KIF16B: variants seen among roughly 807,000 people sequenced by gnomAD.
The protein encoded by KIF16B is kinesin-like protein KIF16B.
A neutral mutation model predicts 156.3 loss-of-function variants in KIF16B; 98 were observed. The observed-to-expected ratio is 0.63, with a 90% CI of 0.53 to 0.74. The LOEUF (loss-of-function observed/expected upper bound fraction) is 0.74, where lower values mean the gene tolerates loss of function less well. Ranked by LOEUF, KIF16B falls within the 30% of genes least tolerant of loss-of-function variation. The pLI is 0.00. For missense variants in KIF16B, 1,421 were observed against 1,606.5 expected, an observed-to-expected ratio of 0.88 and a Z score of 1.97; for synonymous variants, 564 against 583.7, an observed-to-expected ratio of 0.97 and a Z score of 0.49.
At chr20:16,447,006 T>C (rs1476315927) in intron 12 of KIF16B, among the ~76,000 whole-genome samples, 1 of 152,200 alleles carries the variant, frequency 6.6e-6, no homozygotes, top group Non-Finnish European at 1.5e-5. Flanking sequence ...TTCCCAGTGC[T>C]GAGCACAGGG....
chr20:16,424,764 A>G (rs2066311525), intron 15 of KIF16B, among the ~76,000 whole-genome samples: 1 of 152,026 alleles, frequency 6.6e-6, no homozygotes, highest in Non-Finnish European at 1.5e-5. Context: ...TTGTGGTCTG[A>G]GCAAGAAGAG....
chr20:16,412,970 C>T (rs2065995966), intron 15 of KIF16B, among the ~76,000 whole-genome samples: 1 of 151,852 alleles, frequency 6.6e-6, no homozygotes, highest in African/African-American at 2.4e-5. Context: ...TCCCAGAAAT[C>T]TCGGTGTGGT....
intron 19 of KIF16B, 132 bp from the exon 20 acceptor site, chr20:16,374,541 G>T: frequency 1.2e-6 from 1 of 808,062 alleles, no homozygotes; most frequent in Non-Finnish European, 1.7e-6. Flanking sequence ...TTACCTTCTA[G>T]TAGAAAAGGT....
At chr20:16,333,999 G>T (rs936198054) in intron 24 of KIF16B, among the ~76,000 whole-genome samples, 3 of 152,178 alleles carry the variant, frequency 2.0e-5, no homozygotes, top group African/African-American at 7.2e-5. Flanking sequence ...CTTGTTTACT[G>T]TCTGCCCCAT....
intron 12 of KIF16B, among the ~76,000 whole-genome samples, chr20:16,466,519 G>A (rs1316332021): frequency 6.6e-6 from 1 of 152,160 alleles, no homozygotes; most frequent in Admixed American, 6.5e-5. Context: ...TAAGTCTCAC[G>A]AGATCTGATG....
At chr20:16,543,412 T>C in intron 1 of KIF16B, among the ~76,000 whole-genome samples, 1 of 152,150 alleles carries the variant, frequency 6.6e-6, no homozygotes, top group Non-Finnish European at 1.5e-5. Context: ...ACACCAAAGT[T>C]ATTTGAGTGA....
At chr20:16,355,758 G>A (rs1375736619) in intron 23 of KIF16B, among the ~76,000 whole-genome samples, 1 of 152,120 alleles carries the variant, frequency 6.6e-6, no homozygotes, top group Non-Finnish European at 1.5e-5. Context: ...CTGAAAAGTT[G>A]TATAAATCAA....
At chr20:16,416,984 T>C (rs907596317) in intron 15 of KIF16B, among the ~76,000 whole-genome samples, 3 of 152,078 alleles carry the variant, frequency 2.0e-5, no homozygotes, top group Non-Finnish European at 4.4e-5. Context: ...TCAGAGGAGC[T>C]GTAGTCCCCC....
At chr20:16,558,583 T>C (rs2070939934) in intron 1 of KIF16B, among the ~76,000 whole-genome samples, 1 of 152,176 alleles carries the variant, frequency 6.6e-6, no homozygotes, top group African/African-American at 2.4e-5. Flanking sequence ...ATAAACTTCT[T>C]TGGTATCTTT....
chr20:16,509,956 T>C (rs914104153), intron 6 of KIF16B, among the ~76,000 whole-genome samples: 3 of 152,226 alleles, frequency 2.0e-5, no homozygotes, highest in African/African-American at 7.2e-5. Context: ...AGTCATTTTA[T>C]TATTTAATAT....
At chr20:16,475,426 C>T (rs2067782755) in intron 12 of KIF16B, among the ~76,000 whole-genome samples, 1 of 152,186 alleles carries the variant, frequency 6.6e-6, no homozygotes, top group Non-Finnish European at 1.5e-5. Context: ...AGTTCATGTC[C>T]TTAACTGATA....
chr20:16,440,531 GCGCACACACACACACACACACACACACA>G (rs1468657525), intron 12 of KIF16B, among the ~76,000 whole-genome samples: 7 of 79,442 alleles, frequency 8.8e-5, no homozygotes, highest in South Asian at 5.7e-4. Context: ...ACACAAGCGC[GCGCACACACACACACACACACACACACA>G]CACACACACA....
chr20:16,346,859 C>T (rs1379917723), intron 23 of KIF16B, among the ~76,000 whole-genome samples: 1 of 152,030 alleles, frequency 6.6e-6, no homozygotes, highest in African/African-American at 2.4e-5. Context: ...TGGGAAATTG[C>T]GAGAATGACA....
intron 3 of KIF16B, among the ~76,000 whole-genome samples, chr20:16,519,896 C>T (rs555899711): frequency 3.3e-5 from 5 of 152,196 alleles, no homozygotes; most frequent in Non-Finnish European, 1.5e-5. Context: ...TGAGCACCGC[C>T]TCACCCCGGG....
chr20:16,325,257 C>T (rs1007357682), intron 24 of KIF16B, among the ~76,000 whole-genome samples: 1 of 151,790 alleles, frequency 6.6e-6, no homozygotes, highest in African/African-American at 2.4e-5. Flanking sequence ...AAGGGGGATG[C>T]ACACTTTCAC....
At chr20:16,352,027 C>T (rs937157661) in intron 23 of KIF16B, among the ~76,000 whole-genome samples, 2 of 152,156 alleles carry the variant, frequency 1.3e-5, no homozygotes, top group Non-Finnish European at 2.9e-5. Flanking sequence ...AGATAAATGC[C>T]GTTGGATCCC....
intron 12 of KIF16B, among the ~76,000 whole-genome samples, chr20:16,438,625 T>C (rs1232975625): frequency 6.6e-6 from 1 of 152,102 alleles, no homozygotes; most frequent in African/African-American, 2.4e-5. Flanking sequence ...GGAGAAACAG[T>C]CACCAAGATT....
chr20:16,544,571 C>T (rs1034163598), intron 1 of KIF16B, among the ~76,000 whole-genome samples: 3 of 141,758 alleles, frequency 2.1e-5, no homozygotes, highest in Admixed American at 1.5e-4. Context: ...CACACCATTG[C>T]ACTCCAGCCT....
At chr20:16,317,964 C>T (rs2144901) in intron 24 of KIF16B, among the ~76,000 whole-genome samples, 44,906 of 152,132 alleles carry the variant, frequency 0.3, 7,110 homozygotes, top group East Asian at 0.58. Flanking sequence ...TTATCGCCCA[C>T]AGCCAGCAAC....
Sources: allele counts gnomAD v4.1 joint callset (sites outside exome capture counted in the v4.1 genomes callset), GRCh38; gene constraint gnomAD v4.1.1; transcripts MANE v1.5; gene names NCBI Gene and HGNC (gene_info 2026-07-23, HGNC 2026-07-21).